PRKAR1A: variants seen among roughly 807,000 people sequenced by gnomAD.
The protein encoded by PRKAR1A is cAMP-dependent protein kinase type I-alpha regulatory subunit.
Under a neutral mutation model 52.0 loss-of-function variants are expected in PRKAR1A, and 3 were observed. That is an observed-to-expected ratio of 0.06 (90% CI 0.03 to 0.15). The LOEUF is 0.15. PRKAR1A is among the 10% of genes least tolerant of loss of function. PRKAR1A has a pLI of 1.00. For missense variants in PRKAR1A, 240 were observed against 477.4 expected (o/e 0.50, Z 4.63); for synonymous variants, 188 against 168.4 (o/e 1.12, Z -0.90).
At chr17:68,443,196 C>T in the PRKAR1A span, among the ~76,000 whole-genome samples, 8 of 152,210 alleles carry the variant, frequency 5.3e-5, no homozygotes, top group Admixed American at 3.9e-4. Context: ...CTGAAGCCTC[C>T]GCCTCCTGGG....
upstream of PRKAR1A, among the ~76,000 whole-genome samples, chr17:68,510,153 T>C (rs1056310586): frequency 1.1e-5 from 1 of 90,348 alleles, no homozygotes; most frequent in Non-Finnish European, 2.4e-5. Flanking sequence ...TATATATATA[T>C]GTAGACAGAG....
intron 1 of PRKAR1A, 98 bp downstream of exon 1, chr17:68,512,646 C>G (rs1449158323): frequency 6.6e-6 from 1 of 152,332 alleles, no homozygotes; most frequent in African/African-American, 2.4e-5. Flanking sequence ...TCACGGGGAG[C>G]GACCTGCAGG....
intron 10 of PRKAR1A, 120 bp downstream of exon 10, chr17:68,530,121 T>C (rs202155128): frequency 3.4e-6 from 5 of 1,482,686 alleles, no homozygotes; most frequent in Non-Finnish European, 1.9e-6. Context: ...GCAGTCTTTT[T>C]TGGCTCTGAG....
the PRKAR1A span, among the ~76,000 whole-genome samples, chr17:68,478,919 GGTT>G: frequency 6.6e-6 from 1 of 152,094 alleles, no homozygotes; most frequent in Non-Finnish European, 1.5e-5. Context: ...GTAGAGACGG[GGTT>G]TCACCATGTT....
intron 11 of PRKAR1A, among the ~76,000 whole-genome samples, chr17:68,540,200 C>G (rs895763622): frequency 6.6e-6 from 1 of 152,228 alleles, no homozygotes; most frequent in Non-Finnish European, 1.5e-5. Context: ...AAGGCTTTCA[C>G]CCCTGCCCCT....
At chr17:68,430,036 A>G in the PRKAR1A span, 2 of 1,614,188 alleles carry the variant, frequency 1.2e-6, no homozygotes, top group Non-Finnish European at 1.7e-6. Context: ...GAGAAGTTCA[A>G]GCGTGCAGTG....
chr17:68,420,985 T>C, the PRKAR1A span: 4 of 155,530 alleles, frequency 2.6e-5, no homozygotes, highest in Non-Finnish European at 5.7e-5. Flanking sequence ...TCTCCATCTT[T>C]AATATGCAAA....
the PRKAR1A span, among the ~76,000 whole-genome samples, chr17:68,450,124 A>G: frequency 6.6e-6 from 1 of 152,132 alleles, no homozygotes; most frequent in Non-Finnish European, 1.5e-5. Flanking sequence ...CATATTGCCT[A>G]TTTGAGATCA....
the PRKAR1A span, among the ~76,000 whole-genome samples, chr17:68,468,704 C>T: frequency 6.6e-6 from 1 of 152,176 alleles, no homozygotes; most frequent in African/African-American, 2.4e-5. Flanking sequence ...AATGTTTTCA[C>T]TGCTGAATAT....
At chr17:68,486,498 CTTCCTTCCTTCTTTCTTTCTTTCT>C in the PRKAR1A span, among the ~76,000 whole-genome samples, 178 of 40,212 alleles carry the variant, frequency 4.4e-3, no homozygotes, top group Middle Eastern at 0.017. Context: ...TCCTTCCTTC[CTTCCTTCCTTCTTTCTTTCTTTCT>C]TTCTTTCTTT....
chr17:68,508,305 G>C (rs60709392), upstream of PRKAR1A, among the ~76,000 whole-genome samples: 1 of 152,300 alleles, frequency 6.6e-6, no homozygotes, highest in East Asian at 1.9e-4. Context: ...GTGGTAGTCT[G>C]GATAAAGAAA....
chr17:68,508,391 T>C (rs763237950), upstream of PRKAR1A, among the ~76,000 whole-genome samples: 1 of 152,182 alleles, frequency 6.6e-6, no homozygotes, highest in East Asian at 1.9e-4. Context: ...GCAACATAGA[T>C]ACAGCTGGAG....
chr17:68,433,011 G>A, the PRKAR1A span, among the ~76,000 whole-genome samples: 2 of 152,260 alleles, frequency 1.3e-5, no homozygotes, highest in South Asian at 4.1e-4. Context: ...CTGAGAAATT[G>A]CAGGTGCTTC....
chr17:68,464,573 T>G, the PRKAR1A span, among the ~76,000 whole-genome samples: 6 of 151,622 alleles, frequency 4.0e-5, no homozygotes, highest in Admixed American at 3.3e-4. Context: ...CCCAGTTACT[T>G]GGGAGGCTGA....
intron 1 of PRKAR1A, 53 bp from the exon 2 acceptor site, chr17:68,515,328 GTTAAATGCCAGAT>G (rs2085395572): frequency 1.9e-6 from 3 of 1,578,440 alleles, no homozygotes; most frequent in Non-Finnish European, 2.6e-6. Context: ...AATTTAGCAA[GTTAAATGCCAGAT>G]TGACATTTTG....
downstream of PRKAR1A, chr17:68,536,010 T>C (rs1377749150): frequency 8.8e-6 from 4 of 453,990 alleles, no homozygotes; most frequent in African/African-American, 2.0e-5. Flanking sequence ...TGGAAACCTG[T>C]GTGTTGCTTC....
chr17:68,537,515 A>G (rs1378035669), downstream of PRKAR1A: 7 of 1,613,846 alleles, frequency 4.3e-6, no homozygotes, highest in Non-Finnish European at 5.9e-6. The surrounding 1 kb of genome is among the most constrained non-coding windows in gnomAD (Gnocchi z 4.2). Context: ...TCTGGGGCCA[A>G]CTGTTCCACT....
At chr17:68,435,723 A>G in the PRKAR1A span, 2 of 1,613,834 alleles carry the variant, frequency 1.2e-6, no homozygotes, top group Admixed American at 1.7e-5. Flanking sequence ...CTGTTGGTGA[A>G]AAGGAAAAAT....
At chr17:68,418,219 G>C in the PRKAR1A span, among the ~76,000 whole-genome samples, 983 of 152,182 alleles carry the variant, frequency 6.5e-3, 12 homozygotes, top group African/African-American at 0.023. Context: ...GTTGATTTTT[G>C]TTTTCACTGG....
Sources: allele counts gnomAD v4.1 joint callset (sites outside exome capture counted in the v4.1 genomes callset), GRCh38; gene constraint gnomAD v4.1.1; non-coding constraint Gnocchi (gnomAD v3.1); transcripts MANE v1.5; gene names NCBI Gene and HGNC (gene_info 2026-07-23, HGNC 2026-07-21).